The following MCC variants were observed in gnomAD, a reference collection of about 807,000 sequenced individuals.
The protein encoded by MCC is colorectal mutant cancer protein.
MCC carries 90 observed loss-of-function variants against 116.2 expected under a neutral mutation model. The ratio of observed to expected loss-of-function variants is 0.77; its 90% confidence interval spans 0.65 to 0.92. The LOEUF is 0.92. Ranked by LOEUF, MCC falls within the 40% of genes least tolerant of loss-of-function variation. The probability of loss-of-function intolerance (pLI) is 0.00; values close to 1 mark genes in which losing one functional copy is unlikely to be tolerated. For synonymous variants in MCC, 578 were observed against 510.5 expected, an observed-to-expected ratio of 1.13 and a Z score of -1.78; for missense variants, 1,516 against 1,312.2, an observed-to-expected ratio of 1.16 and a Z score of -2.40.
intron 6 of MCC, among the ~76,000 whole-genome samples, chr5:113,118,132 G>A (rs1757497600): frequency 6.6e-6 from 1 of 152,154 alleles, no homozygotes; most frequent in Admixed American, 6.5e-5. Context: ...GACCTCCAGG[G>A]CATCCTTCCA....
At chr5:113,144,207 G>C (rs1035970949) in intron 4 of MCC, among the ~76,000 whole-genome samples, 4 of 152,190 alleles carry the variant, frequency 2.6e-5, no homozygotes, top group African/African-American at 9.7e-5. Context: ...CAGAGTTATA[G>C]AAACATTTCT....
chr5:113,393,145 A>G (rs546903668), intron 1 of MCC, among the ~76,000 whole-genome samples: 29 of 152,278 alleles, frequency 1.9e-4, no homozygotes, highest in South Asian at 1.0e-3. Context: ...GAGAGGGAGA[A>G]GAACAGGATT....
intron 3 of MCC, among the ~76,000 whole-genome samples, chr5:113,196,098 T>C (rs1762391298): frequency 6.6e-6 from 1 of 152,264 alleles, no homozygotes; most frequent in South Asian, 2.1e-4. Context: ...GGTTGGCACA[T>C]AGTGTCTTTC....
At chr5:113,351,138 A>C (rs1201341470) in intron 2 of MCC, among the ~76,000 whole-genome samples, 2 of 152,140 alleles carry the variant, frequency 1.3e-5, no homozygotes, top group Non-Finnish European at 2.9e-5. Context: ...GGTTTTTCAA[A>C]AACCTAAAAA....
At chr5:113,324,368 A>G (rs1767496266) in intron 3 of MCC, among the ~76,000 whole-genome samples, 4 of 152,234 alleles carry the variant, frequency 2.6e-5, no homozygotes, top group Admixed American at 2.6e-4. Flanking sequence ...TTCACTGTAG[A>G]AAAATCCTTG....
In MCC at chr5:113,488,384, C is replaced by G. The variant is rs1269480127; in HGVS notation, c.31G>C (p.Gly11Arg). The change falls in exon 1 of 19, where the codon GGG (glycine) becomes CGG (arginine). Residue 11 changes from glycine (G) to arginine (R), a missense_variant. Transcript: ENST00000408903. ...CCGCCGCCGCCGCTGCTGGAGCTCC[C>G]CGCAGCCGCTGCCGCCGCGGCCGCC... The part of the protein sequence containing the change: MMAAAAAAAA[G>R]SSSSGGGGGG... 1.4e-6 allele frequency: 2 copies of G among 1,431,132 alleles called. No homozygotes were observed. The allele number at this position is 1,431,132 out of a possible 1,614,324, so 88.7% of individuals were successfully genotyped here. A position where few individuals can be genotyped will look rare whatever the true frequency, so the allele number is the denominator to read the frequency against.
chr5:113,122,890 G>C, intron 5 of MCC, 64 bp from the exon 6 acceptor site: 1 of 1,512,824 alleles, frequency 6.6e-7, no homozygotes, highest in Non-Finnish European at 9.1e-7. Context: ...TAGAGAATAT[G>C]TCTTTTAAGG....
At chr5:113,243,167 T>C (rs1422704775) in intron 3 of MCC, among the ~76,000 whole-genome samples, 2 of 107,952 alleles carry the variant, frequency 1.9e-5, no homozygotes, top group Admixed American at 1.3e-4. Context: ...TGTGTTTTTG[T>C]TTTTTTTGTT....
At chr5:113,401,700 G>C (rs967260012) in intron 1 of MCC, among the ~76,000 whole-genome samples, 7 of 151,776 alleles carry the variant, frequency 4.6e-5, no homozygotes, top group Non-Finnish European at 8.8e-5. Flanking sequence ...ACCTTGGCCT[G>C]GACAGAAACC....
chr5:113,301,092 G>C (rs1016196670), intron 3 of MCC, among the ~76,000 whole-genome samples: 25 of 152,214 alleles, frequency 1.6e-4, no homozygotes, highest in Admixed American at 3.9e-4. Flanking sequence ...CTGGGATTCA[G>C]TGGTGTATGG....
intron 2 of MCC, among the ~76,000 whole-genome samples, chr5:113,377,461 G>T (rs1218017410): frequency 6.6e-6 from 1 of 152,034 alleles, no homozygotes; most frequent in Non-Finnish European, 1.5e-5. Flanking sequence ...GTAGATAAAA[G>T]AGAGCTGTAT....
chr5:113,410,024 A>ATTTGTG (rs1268169510), intron 1 of MCC, among the ~76,000 whole-genome samples: 1 of 152,254 alleles, frequency 6.6e-6, no homozygotes, highest in African/African-American at 2.4e-5. Context: ...ATATAGTTCT[A>ATTTGTG]CACTTATGTG....
intron 3 of MCC, among the ~76,000 whole-genome samples, chr5:113,267,832 C>G (rs1308829644): frequency 6.6e-6 from 1 of 152,094 alleles, no homozygotes; most frequent in East Asian, 1.9e-4. Flanking sequence ...AATTGTATAC[C>G]TTAAATGGAT....
chr5:113,192,341 C>T (rs76233603), intron 3 of MCC, among the ~76,000 whole-genome samples: 9,723 of 152,262 alleles, frequency 0.064, 360 homozygotes, highest in African/African-American at 0.081. Flanking sequence ...TTGTTGTCAA[C>T]GTTGATAAAC....
chr5:113,296,970 A>T (rs1269003709), intron 3 of MCC, among the ~76,000 whole-genome samples: 32 of 152,242 alleles, frequency 2.1e-4, no homozygotes, highest in Admixed American at 2.1e-3. Flanking sequence ...TGTTGAACTT[A>T]CTGAGAAGCA....
chr5:113,362,317 G>C (rs1768569769), intron 2 of MCC, among the ~76,000 whole-genome samples: 1 of 152,186 alleles, frequency 6.6e-6, no homozygotes, highest in South Asian at 2.1e-4. Flanking sequence ...ATGAGCCACT[G>C]CACCTGGCTG....
Position 113,026,510 on chromosome 5 carries a change from C to T in MCC, c.*792G>A, listed in dbSNP as rs960038257. On this transcript the variant is annotated 3_prime_UTR_variant, in exon 19 of 19. Coordinates refer to ENST00000408903, the MANE Select transcript of MCC (RefSeq NM_001085377.2). ...TCCACTACAGGTATCAAAAAGATTC[C>T]CAGCTCTAAGTCTTGGATATTAATA... The T allele has an allele frequency of 6.6e-5, 10 of 152,258 alleles. No individual in the cohort carries two copies. The highest frequency in any genetic ancestry group is 2.4e-4 in the African/African-American group (10 of 41,534). The allele number at this position is 152,258 out of a possible 1,614,324, so 9.4% of individuals were successfully genotyped here.
chr5:113,238,841 G>A (rs1350681740), intron 3 of MCC, among the ~76,000 whole-genome samples: 1 of 152,160 alleles, frequency 6.6e-6, no homozygotes, highest in Non-Finnish European at 1.5e-5. Flanking sequence ...TTTGTAAAAT[G>A]GTTGTTTAGA....
intron 6 of MCC, among the ~76,000 whole-genome samples, chr5:113,106,109 G>A (rs989609504): frequency 1.3e-5 from 2 of 150,236 alleles, no homozygotes; most frequent in African/African-American, 4.9e-5. Context: ...ACCTTCCCCT[G>A]TTCACTATGC....
Sources: gnomAD v4.1 joint callset for allele counts (sites outside exome capture counted in the v4.1 genomes callset) on GRCh38, gnomAD v4.1.1 for gene constraint, MANE v1.5 for transcripts, NCBI Gene and HGNC (gene_info 2026-07-23, HGNC 2026-07-21) for gene names.